The following SETD1B variants were observed in gnomAD, a reference collection of about 807,000 sequenced individuals.
SETD1B encodes the protein histone-lysine N-methyltransferase SETD1B.
In SETD1B, 7 loss-of-function variants were observed where a neutral mutation model predicts 148.0. The observed-to-expected ratio is 0.05, with a 90% CI of 0.03 to 0.09. The LOEUF (loss-of-function observed/expected upper bound fraction) is 0.09, where lower values mean the gene tolerates loss of function less well. Among genes scored for constraint, SETD1B ranks in the 10% least tolerant of loss-of-function variants. SETD1B has a pLI of 1.00. For synonymous variants in SETD1B, 1,361 were observed against 1,186.5 expected (o/e 1.15, Z -3.02); for missense variants, 2,155 against 2,729.9 (o/e 0.79, Z 4.69).
At position 121,814,513 on chromosome 12, in the gene SETD1B, C is replaced by A; in HGVS notation, c.2298C>A (p.Gly766=). 6.8e-7 allele frequency: 1 copy of A among 1,467,606 alleles called. No homozygotes were observed. Among genetic ancestry groups the A allele is most frequent in the Non-Finnish European group, 9.1e-7 (1 of 1,104,112 alleles). 90.9% of individuals were successfully genotyped at this position (1,467,606 alleles called of 1,614,324 possible). The change falls in exon 7 of 17, where the codon GGC becomes GGA. Residue 766 remains glycine (G), a synonymous_variant. Coordinates refer to ENST00000604567, the MANE Select transcript of SETD1B (RefSeq NM_001353345.2). ...TGGACATGAGCCACGTGCTGGGTGG[C>A]CAGTGGGGCGGCATGCCCATGTCCT... The part of the protein sequence containing the change: ...MQVDMSHVLG[G]QWGGMPMSFQ...
At position 121,810,907 on chromosome 12, in the gene SETD1B, A is replaced by G. The variant is rs1189342487; in HGVS notation, c.1890+72A>G. 7.0e-7 allele frequency: 1 copy of G among 1,431,516 alleles called. No individual in the cohort carries two copies. The highest frequency in any genetic ancestry group is 9.2e-7 in the Non-Finnish European group (1 of 1,084,244). The allele number at this position is 1,431,516 out of a possible 1,614,324, so 88.7% of individuals were successfully genotyped here. A position where few individuals can be genotyped will look rare whatever the true frequency, so the allele number is the denominator to read the frequency against. On this transcript the variant is annotated intron_variant, in intron 6 of 16. Transcript: ENST00000604567. The surrounding 1 kb of genome is among the most constrained non-coding windows in gnomAD (Gnocchi z 7.6). ...TGTATCTCCCTTTCCCCCTTCAAGC[A>G]TTTAGCATGACTAGCTAAGATGCGG...
Position 121,808,144 on chromosome 12 carries a change from A to G in SETD1B, c.545-64A>G. On this transcript the variant is annotated intron_variant, in intron 4 of 16. Coordinates refer to ENST00000604567, the MANE Select transcript of SETD1B (RefSeq NM_001353345.2). The surrounding 1 kb of genome is among the most constrained non-coding windows in gnomAD (Gnocchi z 5.3). Reference sequence around the variant, plus strand: ...CCACCAGGGTGCCACACAGGTTGGAATCCTTGTGGGGGCTGCCCCATCCTG... The same window carrying G: ...CCACCAGGGTGCCACACAGGTTGGAGTCCTTGTGGGGGCTGCCCCATCCTG... 1 of 1,330,784 alleles carries G rather than the reference A, an allele frequency of 7.5e-7. No individual in the cohort carries two copies. Among genetic ancestry groups the G allele is most frequent in the Admixed American group, 2.0e-5 (1 of 48,890 alleles). The allele number at this position is 1,330,784 out of a possible 1,614,324, so 82.4% of individuals were successfully genotyped here.
chr12:121,806,211 TCC>T, intron 4 of SETD1B, 106 bp downstream of exon 4: 2 of 1,243,892 alleles, frequency 1.6e-6, no homozygotes, highest in Non-Finnish European at 2.2e-6. Flanking sequence ...TTCCTTGGGA[TCC>T]CCCCCCACAA....
chr12:121,804,705 A>C lies in SETD1B; in HGVS notation c.-14-19A>C. 1.9e-6 allele frequency: 3 copies of C among 1,544,796 alleles called. No homozygotes were observed. Among genetic ancestry groups the C allele is most frequent in the South Asian group, 2.4e-5 (2 of 83,524 alleles). ...CGCCGCCGCCGCGGCGGAGACGACAACAACTTGCTGGTTTTCAGGTTGGGT... is the reference window on the plus strand; with the variant it reads ...CGCCGCCGCCGCGGCGGAGACGACACCAACTTGCTGGTTTTCAGGTTGGGT... On this transcript the variant is annotated intron_variant, in intron 1 of 16. Transcript: ENST00000604567. The surrounding 1 kb of genome is among the most constrained non-coding windows in gnomAD (Gnocchi z 4.6).
Position 121,809,755 on chromosome 12 carries a change from A to G in SETD1B, c.810A>G (p.Gly270=), listed in dbSNP as rs1464162857. 1.3e-6 allele frequency: 2 copies of G among 1,551,376 alleles called. No individual in the cohort carries two copies. The highest frequency in any genetic ancestry group is 1.7e-6 in the Non-Finnish European group (2 of 1,146,964). ...GCCTGGACACACCCAACTCCTATGG[A>G]CAGGGCACCCCGCTCACACCGCGCC... ...SCRLDTPNSY[G]QGTPLTPRLG... Residue 270 remains glycine (G), a synonymous_variant, in exon 6 of 17, where the codon GGA becomes GGG. Transcript: ENST00000604567.
intron 6 of SETD1B, among the ~76,000 whole-genome samples, chr12:121,813,185 A>G (rs1177850782): frequency 2.0e-5 from 3 of 152,220 alleles, no homozygotes; most frequent in African/African-American, 7.2e-5. Flanking sequence ...AATGGGTCGG[A>G]GCAGAGCCCC....
At position 121,804,390 on chromosome 12, in the gene SETD1B, G is replaced by A. The variant is rs1875599359; in HGVS notation, c.-15+157G>A. The stretch of plus-strand genomic sequence containing the variant: ...CGCCAGAGCCGGGCCGAGCTAGCGG[G>A]TGAGCGCCACGCCGGGCGGCCGGGC... On this transcript the variant is annotated intron_variant, in intron 1 of 16. Transcript: ENST00000604567. The surrounding 1 kb of genome is among the most constrained non-coding windows in gnomAD (Gnocchi z 4.6). Among the ~76,000 whole-genome samples the A allele has an allele frequency of 6.8e-6, 1 of 147,338 alleles. No individual in the cohort carries two copies. Among genetic ancestry groups the A allele is most frequent in the South Asian group, 2.1e-4 (1 of 4,814 alleles).
Position 121,810,590 on chromosome 12 carries a change from A to G in SETD1B, c.1645A>G (p.Asn549Asp), listed in dbSNP as rs1592977538. The G allele has an allele frequency of 1.9e-6, 3 of 1,548,254 alleles. No homozygotes were observed. In the East Asian group the frequency reaches 7.3e-5, roughly 38 times the overall value. ...QLSPLAPFGTNSQPGFRGPTP... is the reference protein window; with the variant it reads ...QLSPLAPFGTDSQPGFRGPTP... ...CTCCCCACTGGCCCCCTTTGGCACC[A>G]ACTCCCAGCCAGGCTTCCGGGGCCC... The change falls in exon 6 of 17, where the codon AAC (asparagine) becomes GAC (aspartate). Residue 549 changes from asparagine (N) to aspartate (D), a missense_variant. Physicochemically the swap from Asn to Asp is conservative, Grantham distance 23. Coordinates refer to ENST00000604567, the MANE Select transcript of SETD1B (RefSeq NM_001353345.2). This position sits in a 1 kb window ranked among gnomAD's most constrained non-coding sequence, Gnocchi z 7.6.
the SETD1B span, among the ~76,000 whole-genome samples, chr12:121,796,875 C>T: frequency 6.6e-6 from 1 of 152,154 alleles, no homozygotes; most frequent in Non-Finnish European, 1.5e-5. Flanking sequence ...CCTGTCTCTA[C>T]TAAAAATACA....
intron 11 of SETD1B, among the ~76,000 whole-genome samples, chr12:121,821,061 GAACC>G (rs1876544271): frequency 6.6e-6 from 1 of 152,258 alleles, no homozygotes; most frequent in South Asian, 2.1e-4. Context: ...GGGAGTGTTA[GAACC>G]AATTCTCTGT....
chr12:121,816,653 C>T (rs1451973192), intron 7 of SETD1B, among the ~76,000 whole-genome samples: 2 of 152,168 alleles, frequency 1.3e-5, no homozygotes, highest in Non-Finnish European at 2.9e-5. Context: ...GAAATAAAGC[C>T]AGTAGGTCCT....
intron 13 of SETD1B, among the ~76,000 whole-genome samples, chr12:121,827,112 G>T (rs1042612337): frequency 1.3e-5 from 2 of 152,110 alleles, no homozygotes; most frequent in African/African-American, 4.8e-5. Context: ...AGAGGCCTGG[G>T]ATGCTCCAAA....
chr12:121,798,735 G>A, the SETD1B span, among the ~76,000 whole-genome samples: 18 of 152,310 alleles, frequency 1.2e-4, no homozygotes, highest in African/African-American at 4.1e-4. Flanking sequence ...TAGGGGAGGT[G>A]GTGTGATCAG....
chr12:121,817,060 GAGCACA>G lies in SETD1B; in HGVS notation c.2746_2751del (p.His916_Lys917del). 1 of 1,535,076 alleles carries G rather than the reference GAGCACA, an allele frequency of 6.5e-7. No homozygotes were observed. Among genetic ancestry groups the G allele is most frequent in the Non-Finnish European group, 8.8e-7 (1 of 1,136,054 alleles). ...CTCGCTGACCCCGGTGAAGTCGGGC[GAGCACA>G]AGGACGAGGACAGGCCGAAGCCCAA... is the stretch of plus-strand genomic sequence containing the variant. On this transcript the variant is annotated inframe_deletion, in exon 8 of 17. Coordinates refer to ENST00000604567, the MANE Select transcript of SETD1B (RefSeq NM_001353345.2). This position sits in a 1 kb window ranked among gnomAD's most constrained non-coding sequence, Gnocchi z 8.1.
Position 121,827,516 on chromosome 12 carries a change from C to T in SETD1B, c.5338-3C>T. The T allele has an allele frequency of 6.5e-7, 1 of 1,534,926 alleles. No individual in the cohort carries two copies. Among genetic ancestry groups the T allele is most frequent in the Non-Finnish European group, 8.8e-7 (1 of 1,140,902 alleles). On this transcript the variant is annotated splice_region_variant and splice_polypyrimidine_tract_variant and intron_variant, in intron 13 of 16. Transcript: ENST00000604567. ...GCTGAGCCCCGCACACCGTCCACTG[C>T]AGGGCATGAGCATCCCAGCACAGCC... is the stretch of plus-strand genomic sequence containing the variant.
rs1876614119 is a variant in SETD1B at position 121,822,585 on chromosome 12, C to T, written c.4006C>T (p.Pro1336Ser). The change falls in exon 12 of 17, where the codon CCA becomes TCA. Residue 1336 changes from proline to serine, a missense_variant. This residue lies in a region of SETD1B where 862 missense variants were observed against 873.8 expected (regional missense o/e 0.99). Coordinates refer to ENST00000604567, the MANE Select transcript of SETD1B (RefSeq NM_001353345.2). Reference sequence around the variant, plus strand: ...CCCACGACCACCCCGGCCACCCAGCCCACCGCCGGAGCCTGAGACCACAGA... The same window carrying T: ...CCCACGACCACCCCGGCCACCCAGCTCACCGCCGGAGCCTGAGACCACAGA... ...PPPRPPRPPS[P>S]PPEPETTDAS... 6.4e-7 allele frequency: 1 copy of T among 1,551,412 alleles called. No individual in the cohort carries two copies.
In SETD1B at chr12:121,830,422, C is replaced by T. The variant is rs1031235048; in HGVS notation, c.*183C>T. ...GGAGCCCCTGGCTCCGGCCCCTCCGCGGGAAAGGGCTTCTCTGTCGTTCAG... is the reference window on the plus strand; with the variant it reads ...GGAGCCCCTGGCTCCGGCCCCTCCGTGGGAAAGGGCTTCTCTGTCGTTCAG... On this transcript the variant is annotated 3_prime_UTR_variant, in exon 17 of 17. Coordinates refer to ENST00000604567, the MANE Select transcript of SETD1B (RefSeq NM_001353345.2). This position sits in a 1 kb window ranked among gnomAD's most constrained non-coding sequence, Gnocchi z 5.7. The T allele has an allele frequency of 7.2e-6, 4 of 555,908 alleles. No homozygotes were observed. Among genetic ancestry groups the T allele is most frequent in the East Asian group, 3.0e-5 (1 of 33,696 alleles). The allele number at this position is 555,908 out of a possible 1,614,324, so 34.4% of individuals were successfully genotyped here.
At chr12:121,806,216 C>T (rs1490952081) in intron 4 of SETD1B, 111 bp downstream of exon 4, 1 of 1,212,042 alleles carries the variant, frequency 8.3e-7, no homozygotes, top group Non-Finnish European at 1.1e-6. Flanking sequence ...TGGGATCCCC[C>T]CCCACAACCT....
rs769443385 is a variant in SETD1B, at chr12:121,810,531, A to T, written c.1586A>T (p.Glu529Val). The change falls in exon 6 of 17, where the codon GAG becomes GTG. Residue 529 changes from glutamate to valine, a missense_variant. By Grantham distance (121) the Glu-to-Val change is moderately radical. This residue lies in a region of SETD1B where 295 missense variants were observed against 303.8 expected (regional missense o/e 0.97). Coordinates refer to ENST00000604567, the MANE Select transcript of SETD1B (RefSeq NM_001353345.2). This position sits in a 1 kb window ranked among gnomAD's most constrained non-coding sequence, Gnocchi z 7.6. ...EPDSDTELQM[E>V]GSPISSSSSQ... is the part of the protein sequence containing the mutation. ...GACTCGGACACCGAGCTGCAGATGG[A>T]GGGCAGCCCCATCTCCTCCTCCTCC... The T allele has an allele frequency of 6.5e-7, 1 of 1,546,372 alleles. No homozygotes were observed. The highest frequency in any genetic ancestry group is 1.2e-5 in the South Asian group (1 of 84,070).
Sources: gnomAD v4.1 joint callset for allele counts (sites outside exome capture counted in the v4.1 genomes callset) on GRCh38, gnomAD v4.1.1 for gene constraint, gnomAD v4.1.1 regional missense constraint, Gnocchi (gnomAD v3.1) non-coding constraint, MANE v1.5 for transcripts, NCBI Gene and HGNC (gene_info 2026-07-23, HGNC 2026-07-21) for gene names.